The following MLXIP variants were observed in gnomAD, a reference collection of about 807,000 sequenced individuals.
The protein encoded by MLXIP is MLX interacting protein.
MLXIP carries 30 observed loss-of-function variants against 87.2 expected under a neutral mutation model. The observed-to-expected ratio is 0.34, with a 90% CI of 0.26 to 0.47. The LOEUF (loss-of-function observed/expected upper bound fraction) is 0.47. Among genes scored for constraint, MLXIP ranks in the 20% least tolerant of loss-of-function variants. The pLI is 1.00. For synonymous variants in MLXIP, 530 were observed against 514.0 expected, an observed-to-expected ratio of 1.03 and a Z score of -0.42; for missense variants, 1,002 against 1,240.1, an observed-to-expected ratio of 0.81 and a Z score of 2.88.
chr12:122,125,676 A>AGAAG (rs906771310), intron 1 of MLXIP, among the ~76,000 whole-genome samples: 2 of 152,080 alleles, frequency 1.3e-5, no homozygotes, highest in African/African-American at 4.8e-5. Context: ...AACTTGGGAG[A>AGAAG]GAAGGAAGGA....
At chr12:122,111,025 C>A (rs1952598769) in intron 1 of MLXIP, among the ~76,000 whole-genome samples, 1 of 142,768 alleles carries the variant, frequency 7.0e-6, no homozygotes, top group Non-Finnish European at 1.5e-5. Context: ...TGCAGTGAGC[C>A]GAGATGGCGC....
chr12:122,145,458 G>A lies in MLXIP; in HGVS notation c.*3646G>A, dbSNP rs1371760376. 2 of 152,344 alleles carry A rather than the reference G, an allele frequency of 1.3e-5. No individual in the cohort carries two copies. The highest frequency in any genetic ancestry group is 4.8e-5 in the African/African-American group (2 of 41,468). The allele number at this position is 152,344 out of a possible 1,614,324, so 9.4% of individuals were successfully genotyped here. A position where few individuals can be genotyped will look rare whatever the true frequency, so the allele number is the denominator to read the frequency against. On this transcript the variant is annotated 3_prime_UTR_variant, in exon 17 of 17. Transcript: ENST00000319080. ...CCCTGCCCAGATAAAGTAGCACAGT[G>A]GCAGGCAGCACCTCTGTCTGTTGCT...
intron 1 of MLXIP, among the ~76,000 whole-genome samples, chr12:122,096,485 C>G (rs1446566345): frequency 6.6e-6 from 1 of 152,188 alleles, no homozygotes; most frequent in African/African-American, 2.4e-5. Context: ...TTTCAAGTCT[C>G]TAAAAATGGC....
chr12:122,137,389 C>A lies in MLXIP; in HGVS notation c.2033-80C>A. On this transcript the variant is annotated intron_variant, in intron 11 of 16. Coordinates refer to ENST00000319080, the MANE Select transcript of MLXIP (RefSeq NM_014938.6). This position sits in a 1 kb window ranked among gnomAD's most constrained non-coding sequence, Gnocchi z 4.1. The stretch of plus-strand genomic sequence containing the variant: ...GTGGCTAGCAGCGAGCACCTCATAA[C>A]CCTGCAGAGACCCCAGGCTGCCTCC... 1 of 1,532,576 alleles carries A rather than the reference C, an allele frequency of 6.5e-7. No homozygotes were observed. Among genetic ancestry groups the A allele is most frequent in the Non-Finnish European group, 8.8e-7 (1 of 1,137,186 alleles). 94.9% of individuals were successfully genotyped at this position (1,532,576 alleles called of 1,614,324 possible).
intron 1 of MLXIP, among the ~76,000 whole-genome samples, chr12:122,118,537 ATC>A (rs1207194763): frequency 2.0e-5 from 3 of 152,036 alleles, no homozygotes; most frequent in African/African-American, 7.3e-5. Flanking sequence ...CTGTGTGGAT[ATC>A]TCTGAATATA....
intron 1 of MLXIP, among the ~76,000 whole-genome samples, chr12:122,114,372 G>T (rs377535222): frequency 3.9e-5 from 6 of 152,110 alleles, no homozygotes; most frequent in Non-Finnish European, 8.8e-5. Flanking sequence ...AAAACAGAAC[G>T]CACTGAAAAG....
At chr12:122,104,882 C>T (rs1440983612) in intron 1 of MLXIP, among the ~76,000 whole-genome samples, 1 of 152,094 alleles carries the variant, frequency 6.6e-6, no homozygotes, top group Non-Finnish European at 1.5e-5. Flanking sequence ...ACCCGGCCAG[C>T]CTTTTTTCTT....
Position 122,143,704 on chromosome 12 carries a change from T to C in MLXIP, c.*1892T>C, listed in dbSNP as rs1285856508. 1 of 152,226 alleles carries C rather than the reference T, an allele frequency of 6.6e-6. No homozygotes were observed. Among genetic ancestry groups the C allele is most frequent in the Non-Finnish European group, 1.5e-5 (1 of 68,066 alleles). 9.4% of individuals were successfully genotyped at this position (152,226 alleles called of 1,614,324 possible). A position where few individuals can be genotyped will look rare whatever the true frequency, so the allele number is the denominator to read the frequency against. On this transcript the variant is annotated 3_prime_UTR_variant, in exon 17 of 17. Transcript: ENST00000319080. ...TTGTAAAACGTGTAGATAACCGCAG[T>C]GGTTGGCTGAGCCAAGAACTCTCCT...
chr12:122,096,798 C>T (rs998886829), intron 1 of MLXIP, among the ~76,000 whole-genome samples: 1 of 152,144 alleles, frequency 6.6e-6, no homozygotes, highest in African/African-American at 2.4e-5. Context: ...TGACTCCTGC[C>T]CTTGGCTGTT....
At chr12:122,110,946 G>A (rs928197465) in intron 1 of MLXIP, among the ~76,000 whole-genome samples, 38 of 151,708 alleles carry the variant, frequency 2.5e-4, no homozygotes, top group African/African-American at 8.5e-4. Flanking sequence ...GCGTGGTGGC[G>A]GGCGCCTGTA....
At chr12:122,116,014 G>A (rs1327874231) in intron 1 of MLXIP, among the ~76,000 whole-genome samples, 1 of 151,696 alleles carries the variant, frequency 6.6e-6, no homozygotes, top group Non-Finnish European at 1.5e-5. Context: ...TCATGCTGCT[G>A]CAATCCAGCC....
intron 1 of MLXIP, among the ~76,000 whole-genome samples, chr12:122,104,293 G>T (rs989221499): frequency 2.0e-5 from 3 of 152,104 alleles, no homozygotes; most frequent in African/African-American, 7.2e-5. Flanking sequence ...GTTCCCTCGC[G>T]CCCTTCCCAG....
intron 1 of MLXIP, among the ~76,000 whole-genome samples, chr12:122,126,237 A>C (rs1272280701): frequency 6.6e-6 from 1 of 152,188 alleles, no homozygotes. Flanking sequence ...TTATTGAATG[A>C]AGAATTGTTA....
chr12:122,084,477 G>T lies in MLXIP; in HGVS notation c.413+5211G>T, dbSNP rs144497375. ...AGAGGATGGAGGGAGGTTATTTTCCGGGTGGAAGAAGAAAAGAGAATTCAC... is the reference window on the plus strand; with the variant it reads ...AGAGGATGGAGGGAGGTTATTTTCCTGGTGGAAGAAGAAAAGAGAATTCAC... On this transcript the variant is annotated intron_variant, in intron 1 of 16. Coordinates refer to ENST00000319080, the MANE Select transcript of MLXIP (RefSeq NM_014938.6). Among the ~76,000 whole-genome samples, 670 of 152,174 alleles carry T rather than the reference G, an allele frequency of 4.4e-3. 5 individuals are homozygous for T. The highest frequency in any genetic ancestry group is 5.8e-3 in the Non-Finnish European group (396 of 67,994).
At chr12:122,090,225 G>T (rs749271628) in intron 1 of MLXIP, among the ~76,000 whole-genome samples, 2 of 152,200 alleles carry the variant, frequency 1.3e-5, no homozygotes, top group Non-Finnish European at 2.9e-5. Context: ...GCCGGGTGTG[G>T]TGACTCACGC....
chr12:122,102,044 C>A (rs1952446457), intron 1 of MLXIP, among the ~76,000 whole-genome samples: 1 of 152,076 alleles, frequency 6.6e-6, no homozygotes, highest in South Asian at 2.1e-4. Context: ...AAATTATTTC[C>A]TTGAGATATA....
chr12:122,140,289 CTTTA>C (rs371973100), intron 15 of MLXIP, among the ~76,000 whole-genome samples: 2 of 152,102 alleles, frequency 1.3e-5, no homozygotes, highest in East Asian at 1.9e-4. Flanking sequence ...TGGCTCCTGC[CTTTA>C]TTTATTTATT....
At chr12:122,109,237 T>A (rs191416021) in intron 1 of MLXIP, among the ~76,000 whole-genome samples, 1 of 152,156 alleles carries the variant, frequency 6.6e-6, no homozygotes, top group Non-Finnish European at 1.5e-5. Context: ...CCCAGCTAAT[T>A]TTTGTATTTT....
intron 1 of MLXIP, among the ~76,000 whole-genome samples, chr12:122,085,149 T>A (rs1319990658): frequency 6.6e-6 from 1 of 152,018 alleles, no homozygotes; most frequent in Non-Finnish European, 1.5e-5. Flanking sequence ...TCCATGTCTC[T>A]CTGTGGCTGC....
Sources: allele counts gnomAD v4.1 joint callset (sites outside exome capture counted in the v4.1 genomes callset), GRCh38; gene constraint gnomAD v4.1.1; non-coding constraint Gnocchi (gnomAD v3.1); transcripts MANE v1.5; gene names NCBI Gene and HGNC (gene_info 2026-07-23, HGNC 2026-07-21).